The following GRID1 variants were observed in gnomAD, a reference collection of about 807,000 sequenced individuals.
GRID1 encodes glutamate receptor ionotropic, delta-1.
In GRID1, 28 loss-of-function variants were observed where a neutral mutation model predicts 98.0. That is an observed-to-expected ratio of 0.29 (90% CI 0.21 to 0.39). The LOEUF (loss-of-function observed/expected upper bound fraction) is 0.39, where lower values mean the gene tolerates loss of function less well. Among genes scored for constraint, GRID1 ranks in the 10% least tolerant of loss-of-function variants. GRID1 has a pLI of 1.00. For missense variants in GRID1, 1,111 were observed against 1,340.5 expected (o/e 0.83, Z 2.67); for synonymous variants, 553 against 538.5 (o/e 1.03, Z -0.37).
chr10:85,798,021 G>A (rs1332398499), intron 8 of GRID1, among the ~76,000 whole-genome samples: 1 of 152,102 alleles, frequency 6.6e-6, no homozygotes, highest in Non-Finnish European at 1.5e-5. Context: ...ACCATTGATG[G>A]GTACCTGGTT....
intron 12 of GRID1, among the ~76,000 whole-genome samples, chr10:85,666,886 C>G (rs1841025312): frequency 6.6e-6 from 1 of 152,186 alleles, no homozygotes; most frequent in Non-Finnish European, 1.5e-5. Context: ...CCTGGGCTGC[C>G]TTGCCCCTCA....
At chr10:86,142,146 C>T (rs1268833629) in intron 3 of GRID1, among the ~76,000 whole-genome samples, 1 of 152,214 alleles carries the variant, frequency 6.6e-6, no homozygotes, top group Non-Finnish European at 1.5e-5. Context: ...CAGGCAGGCA[C>T]CCAGGCAGCC....
At chr10:86,210,623 G>A (rs975308326) in intron 2 of GRID1, among the ~76,000 whole-genome samples, 29 of 152,158 alleles carry the variant, frequency 1.9e-4, no homozygotes, top group Admixed American at 1.4e-3. Flanking sequence ...GAGCACTGCC[G>A]GCCCACCCCT....
At chr10:85,686,228 CT>C (rs1253999371) in intron 12 of GRID1, among the ~76,000 whole-genome samples, 2 of 152,252 alleles carry the variant, frequency 1.3e-5, no homozygotes, top group East Asian at 3.9e-4. Context: ...ACACAGCCTG[CT>C]TATGTGATTG....
chr10:86,220,858 G>C (rs1314426106), intron 2 of GRID1, among the ~76,000 whole-genome samples: 2 of 152,352 alleles, frequency 1.3e-5, no homozygotes, highest in South Asian at 2.1e-4. Context: ...CCAGGTGTCG[G>C]GGGTGCGCCA....
Position 86,102,443 on chromosome 10 carries a change from G to A in GRID1, c.726+36376C>T, listed in dbSNP as rs1844309934. On this transcript the variant is annotated intron_variant, in intron 4 of 15. Coordinates refer to ENST00000327946, the MANE Select transcript of GRID1 (RefSeq NM_017551.3). ...TGGGCAGCTGAAGAAAGGGTCACAG[G>A]CCCATTTCACAGAGATGGCTTAGTG... Among the ~76,000 whole-genome samples the A allele has an allele frequency of 2.0e-5, 3 of 152,236 alleles. No homozygotes were observed. In the South Asian group the frequency reaches 6.2e-4, roughly 31 times the overall value.
intron 4 of GRID1, among the ~76,000 whole-genome samples, chr10:85,982,288 C>T (rs189438067): frequency 1.3e-5 from 2 of 151,372 alleles, no homozygotes; most frequent in Admixed American, 1.3e-4. Context: ...GTATGTATAG[C>T]AAAACATCAT....
chr10:86,362,468 C>T (rs1848612861), intron 2 of GRID1, among the ~76,000 whole-genome samples: 1 of 152,202 alleles, frequency 6.6e-6, no homozygotes, highest in South Asian at 2.1e-4. Flanking sequence ...TGACAATGGA[C>T]ATCTGTCACA....
rs537068668 is a variant in GRID1, at chr10:85,979,247, C to T, written c.727-63008G>A. 1.1e-4 allele frequency among the ~76,000 whole-genome samples: 17 copies of T among 152,228 alleles called. No individual in the cohort carries two copies. The South Asian group carries it at 3.5e-3, about 32-fold the overall frequency. ...ATCATCTGGAGAGGTCTGACCACCA[C>T]CTACCCTGTATCTGTGCATCTCCAC... On this transcript the variant is annotated intron_variant, in intron 4 of 15. Coordinates refer to ENST00000327946, the MANE Select transcript of GRID1 (RefSeq NM_017551.3).
At chr10:86,036,895 C>T (rs1843272963) in intron 4 of GRID1, among the ~76,000 whole-genome samples, 1 of 152,200 alleles carries the variant, frequency 6.6e-6, no homozygotes, top group Non-Finnish European at 1.5e-5. Context: ...ACAATGTAGG[C>T]TACATTACAA....
intron 5 of GRID1, among the ~76,000 whole-genome samples, chr10:85,888,145 T>C (rs1398292988): frequency 1.3e-5 from 2 of 152,228 alleles, no homozygotes; most frequent in Admixed American, 1.3e-4. Flanking sequence ...TGAAAAGTAG[T>C]TCAGCTTCCT....
chr10:86,142,791 C>T (rs1486576518), intron 3 of GRID1, among the ~76,000 whole-genome samples: 1 of 152,230 alleles, frequency 6.6e-6, no homozygotes, highest in Admixed American at 6.5e-5. Flanking sequence ...GCCAGCATGG[C>T]CAGTCCTCTC....
chr10:86,351,022 A>G (rs1848454694), intron 2 of GRID1, among the ~76,000 whole-genome samples: 1 of 152,182 alleles, frequency 6.6e-6, no homozygotes, highest in Non-Finnish European at 1.5e-5. Context: ...TAGCTCCCAC[A>G]TGAGTGAGAA....
intron 8 of GRID1, among the ~76,000 whole-genome samples, chr10:85,732,771 G>A (rs1416701446): frequency 6.6e-6 from 1 of 152,070 alleles, no homozygotes; most frequent in Non-Finnish European, 1.5e-5. Flanking sequence ...TTTTCTTACA[G>A]AATAAATCCT....
intron 2 of GRID1, among the ~76,000 whole-genome samples, chr10:86,325,033 A>G (rs1305745622): frequency 6.6e-6 from 1 of 152,240 alleles, no homozygotes; most frequent in Non-Finnish European, 1.5e-5. Flanking sequence ...ATGACACTAT[A>G]TGAACCTTGC....
intron 2 of GRID1, among the ~76,000 whole-genome samples, chr10:86,363,118 T>C (rs537195239): frequency 1.2e-4 from 19 of 152,030 alleles, no homozygotes; most frequent in Middle Eastern, 3.2e-3. Context: ...AGCTGAAAGG[T>C]TGAAGGGGAG....
intron 2 of GRID1, among the ~76,000 whole-genome samples, chr10:86,247,288 G>A (rs1333206218): frequency 6.6e-6 from 1 of 151,754 alleles, no homozygotes; most frequent in Admixed American, 6.6e-5. Context: ...TGGATAGACG[G>A]ATGGATGGAT....
chr10:86,078,428 C>T (rs1843915980), intron 4 of GRID1, among the ~76,000 whole-genome samples: 1 of 152,236 alleles, frequency 6.6e-6, no homozygotes, highest in Non-Finnish European at 1.5e-5. Flanking sequence ...TGGGCACAGA[C>T]AGTGGGTGGA....
chr10:85,880,192 T>A (rs1840984821), intron 5 of GRID1, among the ~76,000 whole-genome samples: 1 of 152,122 alleles, frequency 6.6e-6, no homozygotes, highest in Non-Finnish European at 1.5e-5. Context: ...CCACCACAGG[T>A]ACAAGGAGGA....
Sources: allele counts gnomAD v4.1 joint callset (sites outside exome capture counted in the v4.1 genomes callset), GRCh38; gene constraint gnomAD v4.1.1; transcripts MANE v1.5; gene names NCBI Gene and HGNC (gene_info 2026-07-23, HGNC 2026-07-21).